The following MARCHF1 variants were observed in gnomAD, a reference collection of about 807,000 sequenced individuals.
MARCHF1 encodes membrane associated ring-CH-type finger 1, also known as E3 ubiquitin-protein ligase MARCHF1.
In MARCHF1, 40 loss-of-function variants were observed where a neutral mutation model predicts 54.2. The ratio of observed to expected loss-of-function variants is 0.74; its 90% CI spans 0.57 to 0.96. MARCHF1 has a LOEUF of 0.96. Among genes scored for constraint, MARCHF1 ranks in the 40% least tolerant of loss-of-function variants. MARCHF1 has a pLI of 0.00. For synonymous variants in MARCHF1, 236 were observed against 236.3 expected (o/e 1.00, Z 0.01); for missense variants, 586 against 656.5 (o/e 0.89, Z 1.17).
chr4:163,839,222 T>C (rs916668475), intron 4 of MARCHF1, among the ~76,000 whole-genome samples: 4 of 151,942 alleles, frequency 2.6e-5, no homozygotes, highest in African/African-American at 7.2e-5. Flanking sequence ...ATAACAAGTG[T>C]TGGAAAAAAA....
intron 4 of MARCHF1, among the ~76,000 whole-genome samples, chr4:163,718,904 A>T (rs571728091): frequency 6.6e-6 from 1 of 152,210 alleles, no homozygotes; most frequent in South Asian, 2.1e-4. Flanking sequence ...TTTTGTGTTG[A>T]TTGGTGAGGA....
At chr4:163,996,795 C>A (rs767925345) in intron 2 of MARCHF1, among the ~76,000 whole-genome samples, 1 of 152,008 alleles carries the variant, frequency 6.6e-6, no homozygotes, top group Non-Finnish European at 1.5e-5. Flanking sequence ...TACATGCACA[C>A]AGGGAGAACA....
chr4:163,702,286 G>A, intron 4 of MARCHF1, among the ~76,000 whole-genome samples: 1 of 152,130 alleles, frequency 6.6e-6, no homozygotes, highest in East Asian at 1.9e-4. Context: ...CTCCACTGGT[G>A]ATGGAGGGAG....
At chr4:163,637,637 T>C (rs1256675559) in intron 5 of MARCHF1, among the ~76,000 whole-genome samples, 3 of 149,520 alleles carry the variant, frequency 2.0e-5, no homozygotes, top group Non-Finnish European at 4.5e-5. Flanking sequence ...ACTTTTACAC[T>C]GTTGGTGGGA....
chr4:164,283,468 G>GA (rs1169149481), intron 1 of MARCHF1, among the ~76,000 whole-genome samples: 5 of 150,548 alleles, frequency 3.3e-5, no homozygotes, highest in Non-Finnish European at 5.9e-5. Flanking sequence ...TGGAAAAACT[G>GA]AAAAAAAGAC....
At chr4:164,133,632 T>A (rs977102212) in intron 1 of MARCHF1, among the ~76,000 whole-genome samples, 12 of 152,224 alleles carry the variant, frequency 7.9e-5, no homozygotes, top group African/African-American at 2.4e-4. Context: ...AGATTAGTTA[T>A]TGGTAACTTT....
chr4:164,088,426 A>G (rs1307654678), intron 2 of MARCHF1, among the ~76,000 whole-genome samples: 1 of 152,164 alleles, frequency 6.6e-6, no homozygotes, highest in East Asian at 1.9e-4. Context: ...AAGGCTCAGA[A>G]AGCATCTGTT....
chr4:163,975,090 T>A (rs994655661), intron 3 of MARCHF1, among the ~76,000 whole-genome samples: 1 of 151,836 alleles, frequency 6.6e-6, no homozygotes, highest in African/African-American at 2.4e-5. Flanking sequence ...CCATCAACTT[T>A]CCTTGTTCTC....
chr4:163,783,348 T>C (rs543884887), intron 4 of MARCHF1, among the ~76,000 whole-genome samples: 2 of 152,220 alleles, frequency 1.3e-5, no homozygotes, highest in African/African-American at 4.8e-5. Flanking sequence ...AACAGGAATG[T>C]ATTTAACATA....
intron 2 of MARCHF1, among the ~76,000 whole-genome samples, chr4:164,002,355 TA>T (rs1039907511): frequency 6.6e-6 from 1 of 151,158 alleles, no homozygotes; most frequent in Non-Finnish European, 1.5e-5. Context: ...TCGATATAAG[TA>T]AAAAAACAAA....
intron 2 of MARCHF1, among the ~76,000 whole-genome samples, chr4:164,074,063 G>C (rs977368971): frequency 6.6e-6 from 1 of 152,104 alleles, no homozygotes. Context: ...TATTCCCTGA[G>C]ATCTTGCTAT....
chr4:164,335,772 C>T (rs990278554), intron 1 of MARCHF1, among the ~76,000 whole-genome samples: 3 of 152,084 alleles, frequency 2.0e-5, no homozygotes, highest in Admixed American at 6.5e-5. Context: ...AAAATAGGTA[C>T]ATTTTTGGAC....
intron 2 of MARCHF1, among the ~76,000 whole-genome samples, chr4:164,038,260 G>A (rs1271660955): frequency 6.6e-6 from 1 of 152,146 alleles, no homozygotes; most frequent in African/African-American, 2.4e-5. Context: ...TTGGGAGGCC[G>A]AGGCAGGTGG....
chr4:163,815,427 G>A (rs1441804623), intron 4 of MARCHF1, among the ~76,000 whole-genome samples: 1 of 152,132 alleles, frequency 6.6e-6, no homozygotes, highest in Non-Finnish European at 1.5e-5. Context: ...GCACTGTACT[G>A]GTTGATTAAT....
chr4:163,572,933 T>G (rs150970949), intron 8 of MARCHF1, among the ~76,000 whole-genome samples: 1 of 152,122 alleles, frequency 6.6e-6, no homozygotes, highest in East Asian at 1.9e-4. Context: ...TAAATACTCA[T>G]GTGAAAGATA....
At chr4:163,918,421 T>G (rs1751356568) in intron 3 of MARCHF1, among the ~76,000 whole-genome samples, 1 of 152,052 alleles carries the variant, frequency 6.6e-6, no homozygotes, top group Non-Finnish European at 1.5e-5. Flanking sequence ...GCACACACAG[T>G]TAGGGAGAGA....
intron 2 of MARCHF1, among the ~76,000 whole-genome samples, chr4:163,989,164 C>T (rs1752924599): frequency 6.6e-6 from 1 of 152,094 alleles, no homozygotes; most frequent in Non-Finnish European, 1.5e-5. Context: ...CTATTTGGAG[C>T]CAAATCTCTT....
intron 2 of MARCHF1, among the ~76,000 whole-genome samples, chr4:164,088,954 T>C (rs1413863817): frequency 2.0e-5 from 3 of 152,168 alleles, no homozygotes; most frequent in Non-Finnish European, 4.4e-5. Context: ...TGGATAATTC[T>C]TTTTTTAGAG....
intron 4 of MARCHF1, among the ~76,000 whole-genome samples, chr4:163,792,608 G>T (rs1402813200): frequency 6.6e-6 from 1 of 152,044 alleles, no homozygotes; most frequent in Admixed American, 6.6e-5. Flanking sequence ...ATCTTCTGAA[G>T]CACATGGTAT....
Sources: allele counts gnomAD v4.1 joint callset (sites outside exome capture counted in the v4.1 genomes callset), GRCh38; gene constraint gnomAD v4.1.1; transcripts MANE v1.5; gene names NCBI Gene and HGNC (gene_info 2026-07-23, HGNC 2026-07-21).